The following SYNGR1 variants were observed in gnomAD, a reference collection of about 807,000 sequenced individuals.
SYNGR1 encodes the protein synaptogyrin-1.
A neutral mutation model predicts 26.1 loss-of-function variants in SYNGR1; 14 were observed. The ratio of observed to expected loss-of-function variants is 0.54; its 90% CI spans 0.35 to 0.84. The LOEUF (loss-of-function observed/expected upper bound fraction) is 0.84, where lower values mean the gene tolerates loss of function less well. Ranked by LOEUF, SYNGR1 falls within the 40% of genes least tolerant of loss-of-function variation. The probability of loss-of-function intolerance (pLI) is 0.01; values close to 1 mark genes in which losing one functional copy is unlikely to be tolerated. For synonymous variants in SYNGR1, 141 were observed against 150.1 expected, an observed-to-expected ratio of 0.94 and a Z score of 0.44; for missense variants, 319 against 332.9, an observed-to-expected ratio of 0.96 and a Z score of 0.33.
chr22:39,357,995 C>T (rs1056643986), intron 1 of SYNGR1, among the ~76,000 whole-genome samples: 5 of 152,268 alleles, frequency 3.3e-5, no homozygotes, highest in African/African-American at 7.2e-5. Context: ...GCGCACGGCG[C>T]GGGAGTGGCA....
At chr22:39,355,706 G>A (rs6001553) in intron 1 of SYNGR1, among the ~76,000 whole-genome samples, 31,848 of 152,120 alleles carry the variant, frequency 0.21, 7,334 homozygotes, top group African/African-American at 0.58. Flanking sequence ...GTTTGGGGAG[G>A]CCTCGAGAGT....
intron 1 of SYNGR1, among the ~76,000 whole-genome samples, chr22:39,361,943 T>C (rs2145614037): frequency 1.3e-5 from 2 of 151,708 alleles, no homozygotes; most frequent in South Asian, 4.2e-4. Context: ...TCCAGATACT[T>C]CTGCCACTGA....
At chr22:39,380,309 C>T (rs568319688) in intron 3 of SYNGR1, among the ~76,000 whole-genome samples, 2 of 152,062 alleles carry the variant, frequency 1.3e-5, no homozygotes, top group African/African-American at 2.4e-5. Context: ...AGCAGGTGAC[C>T]GAAATCCCAG....
At chr22:39,361,850 C>G (rs1924487473) in intron 1 of SYNGR1, among the ~76,000 whole-genome samples, 1 of 152,120 alleles carries the variant, frequency 6.6e-6, no homozygotes, top group African/African-American at 2.4e-5. Flanking sequence ...TCTCCCACCT[C>G]TTCCCTGCCT....
chr22:39,363,022 T>C (rs1408733807), intron 1 of SYNGR1, among the ~76,000 whole-genome samples: 2 of 152,154 alleles, frequency 1.3e-5, no homozygotes, highest in Non-Finnish European at 2.9e-5. Flanking sequence ...GAGTCTGGTC[T>C]GGAGGGCTTC....
Position 39,373,835 on chromosome 22 carries a change from GC to G in SYNGR1, c.100-479del, listed in dbSNP as rs1318923271. ...ATCTACTTGCCAGGCCTGGGTAGGG[GC>G]CTGAGACCCCAGACCAGCCCACAGC... On this transcript the variant is annotated intron_variant, in intron 1 of 3. Transcript: ENST00000328933. Among the ~76,000 whole-genome samples the G allele has an allele frequency of 2.6e-5, 4 of 152,278 alleles. No individual in the cohort carries two copies. In the East Asian group the frequency reaches 7.7e-4, roughly 29 times the overall value.
rs1467055108 is a variant in SYNGR1 at position 39,385,203 on chromosome 22, GGGCC to G, written c.*3293_*3296del. 1.8e-5 allele frequency: 7 copies of G among 391,624 alleles called. No individual in the cohort carries two copies. The highest frequency in any genetic ancestry group is 3.2e-5 in the Non-Finnish European group (7 of 221,850). 24.3% of individuals were successfully genotyped at this position (391,624 alleles called of 1,614,324 possible). A position where few individuals can be genotyped will look rare whatever the true frequency, so the allele number is the denominator to read the frequency against. On this transcript the variant is annotated 3_prime_UTR_variant, in exon 4 of 4. Coordinates refer to ENST00000328933, the MANE Select transcript of SYNGR1 (RefSeq NM_004711.5). ...CCAGGAGTTTATGGGAGAAGGGACT[GGGCC>G]GGCTGCCTCCCAGCGATGCACTTGA...
chr22:39,381,101 C>T (rs1885028670), intron 3 of SYNGR1, among the ~76,000 whole-genome samples: 1 of 152,122 alleles, frequency 6.6e-6, no homozygotes, highest in African/African-American at 2.4e-5. Flanking sequence ...AGGCATGAGC[C>T]GCGGTGCATG....
intron 1 of SYNGR1, among the ~76,000 whole-genome samples, chr22:39,353,928 A>G (rs1423401899): frequency 6.6e-6 from 1 of 152,102 alleles, no homozygotes; most frequent in Non-Finnish European, 1.5e-5. Flanking sequence ...CAGTGGCGCG[A>G]TCTTGGCTCA....
chr22:39,368,339 A>G (rs994988444), intron 1 of SYNGR1, among the ~76,000 whole-genome samples: 1 of 152,188 alleles, frequency 6.6e-6, no homozygotes, highest in Non-Finnish European at 1.5e-5. Context: ...AAGTGGCCAC[A>G]CTGGGATTCA....
rs1925636457 is a variant in SYNGR1 at position 39,385,506 on chromosome 22, CATCT to C, written c.*3593_*3596del. On this transcript the variant is annotated 3_prime_UTR_variant, in exon 4 of 4. Transcript: ENST00000328933. ...GGCACCCTCCTTTATGACATCCATC[CATCT>C]GTGGTGAACCAAGTGAAGGTGGTGA... The C allele has an allele frequency of 6.6e-6, 1 of 152,608 alleles. No individual in the cohort carries two copies. Among genetic ancestry groups the C allele is most frequent in the Non-Finnish European group, 1.5e-5 (1 of 68,036 alleles). The allele number at this position is 152,608 out of a possible 1,614,324, so 9.5% of individuals were successfully genotyped here.
At chr22:39,359,948 T>C (rs5757631) in intron 1 of SYNGR1, among the ~76,000 whole-genome samples, 85,506 of 151,888 alleles carry the variant, frequency 0.56, 27,359 homozygotes, top group East Asian at 0.85. Flanking sequence ...GCCTGGGGCC[T>C]CTGAACCACT....
chr22:39,385,383 G>A lies in SYNGR1; in HGVS notation c.*3469G>A, dbSNP rs1240432974. The A allele has an allele frequency of 6.5e-6, 1 of 153,014 alleles. No individual in the cohort carries two copies. Among genetic ancestry groups the A allele is most frequent in the Admixed American group, 6.5e-5 (1 of 15,282 alleles). The allele number at this position is 153,014 out of a possible 1,614,324, so 9.5% of individuals were successfully genotyped here. On this transcript the variant is annotated 3_prime_UTR_variant, in exon 4 of 4. Coordinates refer to ENST00000328933, the MANE Select transcript of SYNGR1 (RefSeq NM_004711.5). Reference sequence around the variant, plus strand: ...TCCACAAATATATCTGTGTGTGTGTGTGCGTGTGTGTGCGGTGAAGGGCGG... The same window carrying A: ...TCCACAAATATATCTGTGTGTGTGTATGCGTGTGTGTGCGGTGAAGGGCGG...
intron 3 of SYNGR1, among the ~76,000 whole-genome samples, chr22:39,381,468 G>A (rs564826449): frequency 7.9e-5 from 12 of 152,246 alleles, no homozygotes; most frequent in Admixed American, 7.8e-4. Context: ...GATTTCTGGG[G>A]TACTTTCTGG....
At chr22:39,381,585 T>C in intron 3 of SYNGR1, 111 bp from the exon 4 acceptor site, 1 of 1,105,434 alleles carries the variant, frequency 9.0e-7, no homozygotes. Context: ...TCTTTAACCC[T>C]CTCCTGCCTG....
Position 39,359,609 on chromosome 22 carries a change from C to T in SYNGR1, c.99+9500C>T, listed in dbSNP as rs560439955. ...TCGCGCCACCGCACTCCAGCCTGGG[C>T]AACAAAGTGAGACTCTGTCTCAAAA... On this transcript the variant is annotated intron_variant, in intron 1 of 3. Transcript: ENST00000328933. Among the ~76,000 whole-genome samples, 293 of 127,770 alleles carry T rather than the reference C, an allele frequency of 2.3e-3. 1 individual carries two copies. The highest frequency in any genetic ancestry group is 8.8e-3 in the African/African-American group (286 of 32,574). 83.8% of individuals were successfully genotyped at this position (127,770 alleles called of 152,430 possible).
At chr22:39,375,523 C>T (rs935775992) in intron 2 of SYNGR1, 4 of 239,146 alleles carry the variant, frequency 1.7e-5, no homozygotes, top group Non-Finnish European at 3.3e-5. Context: ...GGTCGCAGCA[C>T]GTTAGAAGTC....
intron 1 of SYNGR1, chr22:39,364,340 T>A: frequency 6.2e-7 from 1 of 1,613,780 alleles, no homozygotes; most frequent in African/African-American, 1.3e-5. Context: ...GCAGGGCCTC[T>A]CTGAGCCTTA....
chr22:39,351,855 T>C, intron 1 of SYNGR1, among the ~76,000 whole-genome samples: 1 of 152,224 alleles, frequency 6.6e-6, no homozygotes, highest in East Asian at 1.9e-4. Context: ...GTCTCCCTGC[T>C]GTGGAATCAA....
Sources: gnomAD v4.1 joint callset for allele counts (sites outside exome capture counted in the v4.1 genomes callset) on GRCh38, gnomAD v4.1.1 for gene constraint, MANE v1.5 for transcripts, NCBI Gene and HGNC (gene_info 2026-07-23, HGNC 2026-07-21) for gene names.